The following NAV2 variants were observed in gnomAD, a reference collection of about 807,000 sequenced individuals.
The protein encoded by NAV2 is neuron navigator 2, also known as helicase, APC down-regulated 1.
NAV2 carries 54 observed loss-of-function variants against 223.2 expected under a neutral mutation model. The observed-to-expected ratio is 0.24, with a 90% CI of 0.19 to 0.30. The LOEUF (loss-of-function observed/expected upper bound fraction) is 0.30, where lower values mean the gene tolerates loss of function less well. NAV2 is among the 10% of genes least tolerant of loss of function. NAV2 has a pLI of 1.00. For synonymous variants in NAV2, 1,279 were observed against 1,239.3 expected, an observed-to-expected ratio of 1.03 and a Z score of -0.67; for missense variants, 2,806 against 3,147.5, an observed-to-expected ratio of 0.89 and a Z score of 2.60.
At chr11:19,957,733 T>C (rs1395808046) in intron 10 of NAV2, among the ~76,000 whole-genome samples, 2 of 152,144 alleles carry the variant, frequency 1.3e-5, no homozygotes, top group East Asian at 3.8e-4. Context: ...GCGCACTCTG[T>C]CCACTGCTGG....
intron 33 of NAV2, 31 bp from the exon 34 acceptor site, chr11:20,103,620 TCA>T: frequency 6.2e-7 from 1 of 1,610,816 alleles, no homozygotes; most frequent in Non-Finnish European, 8.5e-7. Context: ...TGGCTTGGAA[TCA>T]CAGCTTTCTT....
At chr11:19,555,687 C>T (rs565339295) in intron 1 of NAV2, among the ~76,000 whole-genome samples, 3 of 152,100 alleles carry the variant, frequency 2.0e-5, no homozygotes, top group Non-Finnish European at 4.4e-5. Flanking sequence ...AATGTGACTC[C>T]TTCTTTCTAG....
chr11:19,670,007 G>A (rs772065370), intron 1 of NAV2, among the ~76,000 whole-genome samples: 6 of 152,192 alleles, frequency 3.9e-5, no homozygotes, highest in Admixed American at 6.5e-5. Flanking sequence ...TTGCCACAAA[G>A]TCCCATGCGA....
chr11:19,612,594 A>C (rs1590678139), intron 1 of NAV2, among the ~76,000 whole-genome samples: 1 of 152,212 alleles, frequency 6.6e-6, no homozygotes, highest in African/African-American at 2.4e-5. Context: ...GTAAAATGCC[A>C]CCAGCCTCTT....
intron 4 of NAV2, among the ~76,000 whole-genome samples, chr11:19,873,641 G>A (rs1310627904): frequency 6.6e-6 from 1 of 152,122 alleles, no homozygotes; most frequent in Non-Finnish European, 1.5e-5. Flanking sequence ...TCCCAAGCTA[G>A]AAAGCAGGAG....
intron 23 of NAV2, 111 bp downstream of exon 23, chr11:20,077,746 TGTTAAA>T: frequency 1.1e-6 from 1 of 921,586 alleles, no homozygotes; most frequent in Non-Finnish European, 1.7e-6. Flanking sequence ...TTTCTTGAAC[TGTTAAA>T]GTTTAATTGT....
At position 20,028,821 on chromosome 11, in the gene NAV2, T is replaced by C. The variant is rs546975749; in HGVS notation, c.2769-7138T>C. Among the ~76,000 whole-genome samples the C allele has an allele frequency of 3.9e-5, 6 of 152,288 alleles. No homozygotes were observed. The South Asian group carries it at 8.3e-4, about 21-fold the overall frequency. ...TAGGCAAGATTGCATCCTCTTTCTT[T>C]GGATAAATAGCATGGTCTGGTTCAG... On this transcript the variant is annotated intron_variant, in intron 11 of 37. Coordinates refer to ENST00000349880, the MANE Select transcript of NAV2 (RefSeq NM_145117.5).
At chr11:19,420,617 A>G (rs1400212452) in intron 1 of NAV2, among the ~76,000 whole-genome samples, 5 of 152,234 alleles carry the variant, frequency 3.3e-5, no homozygotes, top group African/African-American at 4.8e-5. Context: ...TCTTGCAGAC[A>G]TAATGTTGAA....
chr11:19,544,986 G>A (rs1234917135), intron 1 of NAV2, among the ~76,000 whole-genome samples: 1 of 152,200 alleles, frequency 6.6e-6, no homozygotes, highest in East Asian at 1.9e-4. Context: ...CAAAGTAAAT[G>A]TCCCACTCTC....
At position 19,971,244 on chromosome 11, in the gene NAV2, C is replaced by G. The variant is rs145587403; in HGVS notation, c.2646-12881C>G. On this transcript the variant is annotated intron_variant, in intron 10 of 37. Coordinates refer to ENST00000349880, the MANE Select transcript of NAV2 (RefSeq NM_145117.5). ...GGGCATTTTTCCATTGCTCACTATG[C>G]GAGGGACGGGGGTTATGTGGTATGT... Among the ~76,000 whole-genome samples, 6 of 152,064 alleles carry G rather than the reference C, an allele frequency of 3.9e-5. 1 individual carries two copies. In the East Asian group the frequency reaches 9.7e-4, roughly 25 times the overall value.
At chr11:19,887,669 C>G (rs938250879) in intron 5 of NAV2, among the ~76,000 whole-genome samples, 2 of 152,150 alleles carry the variant, frequency 1.3e-5, no homozygotes, top group Admixed American at 1.3e-4. Flanking sequence ...GGCAACCAGG[C>G]TGCCTCTAGA....
intron 11 of NAV2, among the ~76,000 whole-genome samples, chr11:19,991,216 C>CTGCAT (rs2051299489): frequency 6.6e-6 from 1 of 152,162 alleles, no homozygotes; most frequent in Non-Finnish European, 1.5e-5. Flanking sequence ...GCAACCTCCA[C>CTGCAT]CCCGGCTCAA....
Position 19,929,888 on chromosome 11 carries a change from G to A in NAV2, c.932-3288G>A, listed in dbSNP as rs114341598. Among the ~76,000 whole-genome samples the A allele has an allele frequency of 3.5e-3, 538 of 152,280 alleles. 5 individuals carry two copies. Among genetic ancestry groups the A allele is most frequent in the African/African-American group, 0.012 (499 of 41,558 alleles). ...AACTGACCTATAGCAGAAGCACCAC[G>A]TGGTAACACAAGGATCACTTCCTCC... On this transcript the variant is annotated intron_variant, in intron 6 of 37. Coordinates refer to ENST00000349880, the MANE Select transcript of NAV2 (RefSeq NM_145117.5).
chr11:19,584,190 TG>T (rs1427546290), intron 1 of NAV2, among the ~76,000 whole-genome samples: 1 of 152,238 alleles, frequency 6.6e-6, no homozygotes, highest in Non-Finnish European at 1.5e-5. Context: ...TATTCTCTGA[TG>T]GTTTTTTGTA....
chr11:19,986,280 C>T (rs549493187), intron 11 of NAV2, among the ~76,000 whole-genome samples: 91 of 152,236 alleles, frequency 6.0e-4, no homozygotes, highest in African/African-American at 1.9e-3. Context: ...CAACAATGTC[C>T]TTTGGTTCTC....
At chr11:19,515,037 G>A (rs920705120) in intron 1 of NAV2, among the ~76,000 whole-genome samples, 14 of 152,164 alleles carry the variant, frequency 9.2e-5, no homozygotes, top group Middle Eastern at 3.2e-3. Flanking sequence ...CATGACCTTT[G>A]GGGTTTGGGT....
intron 1 of NAV2, among the ~76,000 whole-genome samples, chr11:19,547,578 G>A (rs2134607025): frequency 6.6e-6 from 1 of 152,276 alleles, no homozygotes; most frequent in Admixed American, 6.5e-5. Context: ...TCCAACTGCA[G>A]GTTTGATCTT....
chr11:19,817,252 TA>T (rs1051301117), intron 1 of NAV2, among the ~76,000 whole-genome samples: 2 of 152,080 alleles, frequency 1.3e-5, no homozygotes, highest in South Asian at 4.1e-4. Flanking sequence ...CCTTTACCAT[TA>T]AAAAAAATCT....
chr11:19,681,053 A>G (rs1161050759), intron 1 of NAV2, among the ~76,000 whole-genome samples: 1 of 152,232 alleles, frequency 6.6e-6, no homozygotes, highest in Admixed American at 6.5e-5. Context: ...CCTTTGGGGT[A>G]GGTATTATCA....
Sources: allele counts gnomAD v4.1 joint callset (sites outside exome capture counted in the v4.1 genomes callset), GRCh38; gene constraint gnomAD v4.1.1; transcripts MANE v1.5; gene names NCBI Gene and HGNC (gene_info 2026-07-23, HGNC 2026-07-21).